ASL: variants seen among roughly 807,000 people sequenced by gnomAD.
ASL encodes argininosuccinase.
Under a neutral mutation model 69.1 loss-of-function variants are expected in ASL, and 51 were observed. That is an observed-to-expected ratio of 0.74 (90% CI 0.59 to 0.93). The LOEUF (loss-of-function observed/expected upper bound fraction) is 0.93, where lower values mean the gene tolerates loss of function less well. Ranked by LOEUF, ASL falls within the 40% of genes least tolerant of loss-of-function variation. ASL has a pLI of 0.00. For missense variants in ASL, 540 were observed against 623.9 expected, an observed-to-expected ratio of 0.87 and a Z score of 1.43; for synonymous variants, 241 against 247.6, an observed-to-expected ratio of 0.97 and a Z score of 0.25.
chr7:66,086,752 T>C lies in ASL; in HGVS notation c.533T>C (p.Val178Ala). ...CCCCTGGCTTCCCACAGCCACGCCG[T>C]GGCACTGACCCGAGACTCTGAGCGG... is the stretch of plus-strand genomic sequence containing the variant. ...RWSHWILSHA[V>A]ALTRDSERLL... The change falls in exon 8 of 17, where the codon GTG becomes GCG. Residue 178 changes from valine (V) to alanine (A), a missense_variant. Physicochemically the swap from Val to Ala is moderately conservative, Grantham distance 64. Coordinates refer to ENST00000304874, the MANE Select transcript of ASL (RefSeq NM_000048.4). 1.2e-6 allele frequency: 2 copies of C among 1,605,658 alleles called. No homozygotes were observed. The highest frequency in any genetic ancestry group is 1.7e-6 in the Non-Finnish European group (2 of 1,176,684).
chr7:66,085,623 T>C (rs951291874), intron 6 of ASL, among the ~76,000 whole-genome samples: 1 of 151,928 alleles, frequency 6.6e-6, no homozygotes, highest in Admixed American at 6.6e-5. Context: ...TTTTTTTTTT[T>C]TTGAGACGGA....
At chr7:66,089,809 A>G in intron 14 of ASL, 114 bp downstream of exon 14, 1 of 1,158,412 alleles carries the variant, frequency 8.6e-7, no homozygotes, top group Non-Finnish European at 1.2e-6. Context: ...TGGGGCAGGG[A>G]AGGAGAGGTG....
At chr7:66,091,764 A>T (rs996892817) in intron 14 of ASL, 6 of 554,908 alleles carry the variant, frequency 1.1e-5, no homozygotes, top group East Asian at 3.1e-5. Context: ...CATGCTGAAG[A>T]TAAGGACTCT....
rs138360695 is a variant in ASL, at chr7:66,080,385, CAAAAAAAA to C, written c.13-1404_13-1397del. ...TGGGTGACAAAGAGAGACTCCATCT[CAAAAAAAA>C]AAAAAAAAAAAAAGAATTAAAAAAG... On this transcript the variant is annotated intron_variant, in intron 2 of 16. Coordinates refer to ENST00000304874, the MANE Select transcript of ASL (RefSeq NM_000048.4). Among the ~76,000 whole-genome samples, 6 of 61,338 alleles carry C rather than the reference CAAAAAAAA, an allele frequency of 9.8e-5. No individual in the cohort carries two copies. In the South Asian group the frequency reaches 2.2e-3, roughly 22 times the overall value. The allele number at this position is 61,338 out of a possible 152,430, so 40.2% of individuals were successfully genotyped here. A position where few individuals can be genotyped will look rare whatever the true frequency, so the allele number is the denominator to read the frequency against.
intron 6 of ASL, among the ~76,000 whole-genome samples, chr7:66,085,797 A>G (rs1786645723): frequency 6.6e-6 from 1 of 151,970 alleles, no homozygotes; most frequent in Non-Finnish European, 1.5e-5. Flanking sequence ...TTTAGTATAG[A>G]TGGGGTTTCA....
At chr7:66,086,894 G>T (rs1786681163) in intron 8 of ASL, 73 bp downstream of exon 8, 2 of 1,503,068 alleles carry the variant, frequency 1.3e-6, no homozygotes, top group African/African-American at 1.4e-5. Context: ...TGACAGAGCT[G>T]GGAAGTGCAG....
intron 6 of ASL, among the ~76,000 whole-genome samples, chr7:66,084,841 A>G (rs2115712501): frequency 6.6e-6 from 1 of 152,144 alleles, no homozygotes; most frequent in African/African-American, 2.4e-5. Context: ...GGATGGTCTC[A>G]ATCTCCCGAC....
rs60055215 is a variant in ASL at position 66,087,243 on chromosome 7, C to CGTGT, written c.603-54_603-51dup. The stretch of plus-strand genomic sequence containing the variant: ...GGACTTGGTTCTCTGTGTGTGCGTT[C>CGTGT]GTGTGTGTGTGTGTGTGTGTGTGTG... On this transcript the variant is annotated intron_variant, in intron 8 of 16. Transcript: ENST00000304874. 0.029 allele frequency: 28,131 copies of CGTGT among 971,390 alleles called. 189 individuals carry two copies. The highest frequency in any genetic ancestry group is 0.099 in the East Asian group (3,837 of 38,824). The allele number at this position is 971,390 out of a possible 1,614,324, so 60.2% of individuals were successfully genotyped here. A position where few individuals can be genotyped will look rare whatever the true frequency, so the allele number is the denominator to read the frequency against.
In ASL at chr7:66,081,831, T is replaced by C. The variant is rs773425505; in HGVS notation, c.41T>C (p.Val14Ala). Residue 14 changes from valine to alanine, a missense_variant, in exon 3 of 17, where the codon GTG (valine) becomes GCG (alanine). Val to Ala is a moderately conservative substitution (Grantham distance 64). Transcript: ENST00000304874. ...ESGKLWGGRF[V>A]GAVDPIMEKF... ...GGGAAGCTTTGGGGTGGCCGGTTTGTGGGTGCAGTGGACCCCATCATGGAG... is the reference window on the plus strand; with the variant it reads ...GGGAAGCTTTGGGGTGGCCGGTTTGCGGGTGCAGTGGACCCCATCATGGAG... 6.2e-7 allele frequency: 1 copy of C among 1,613,904 alleles called. No individual in the cohort carries two copies. The highest frequency in any genetic ancestry group is 1.1e-5 in the South Asian group (1 of 91,082).
chr7:66,076,418 TCTTC>T (rs1278153066), intron 2 of ASL, among the ~76,000 whole-genome samples: 1 of 152,132 alleles, frequency 6.6e-6, no homozygotes, highest in Non-Finnish European at 1.5e-5. Flanking sequence ...GCCTTCCAAC[TCTTC>T]CTTCCTTCTT....
At position 66,093,243 on chromosome 7, in the gene ASL, G is replaced by A; in HGVS notation, c.*331G>A. 1 of 425,790 alleles carries A rather than the reference G, an allele frequency of 2.3e-6. No individual in the cohort carries two copies. Among genetic ancestry groups the A allele is most frequent in the Non-Finnish European group, 4.4e-6 (1 of 225,266 alleles). 26.4% of individuals were successfully genotyped at this position (425,790 alleles called of 1,614,324 possible). On this transcript the variant is annotated 3_prime_UTR_variant, in exon 17 of 17. Coordinates refer to ENST00000304874, the MANE Select transcript of ASL (RefSeq NM_000048.4). The stretch of plus-strand genomic sequence containing the variant: ...GAGGTGAGAGGACACTTGTGCCCAG[G>A]AGTGGAGGCTGCAGTGAGCTATGAT...
At chr7:66,083,349 C>CA in intron 6 of ASL, 175 bp downstream of exon 6, 1 of 633,696 alleles carries the variant, frequency 1.6e-6, no homozygotes, top group South Asian at 1.8e-5. Flanking sequence ...CTGCAGGCCC[C>CA]AATACTCCCA....
chr7:66,090,028 A>C (rs1376989471), intron 14 of ASL, among the ~76,000 whole-genome samples: 1 of 152,212 alleles, frequency 6.6e-6, no homozygotes, highest in Admixed American at 6.5e-5. Flanking sequence ...ACTTGAGGTC[A>C]GGGGTTTGAG....
rs1215891065 is a variant in ASL at position 66,091,911 on chromosome 7, G to A, written c.1063-95G>A. 3.1e-6 allele frequency: 4 copies of A among 1,286,896 alleles called. No homozygotes were observed. The African/African-American group carries it at 5.8e-5, about 19-fold the overall frequency. 79.7% of individuals were successfully genotyped at this position (1,286,896 alleles called of 1,614,324 possible). On this transcript the variant is annotated intron_variant, in intron 14 of 16. Coordinates refer to ENST00000304874, the MANE Select transcript of ASL (RefSeq NM_000048.4). ...AGTGGGTAAGAGAGTATCTGCCCAA[G>A]GCAGGGATGTCCTGGCAGAGGGGCA...
chr7:66,075,968 G>C, intron 1 of ASL, 71 bp from the exon 2 acceptor site: 1 of 1,449,040 alleles, frequency 6.9e-7, no homozygotes, highest in Admixed American at 2.0e-5. Context: ...GCAGTGCCCA[G>C]AACTCGGAGC....
At chr7:66,077,918 C>A (rs1192003692) in intron 2 of ASL, among the ~76,000 whole-genome samples, 3 of 152,136 alleles carry the variant, frequency 2.0e-5, no homozygotes, top group Non-Finnish European at 2.9e-5. Flanking sequence ...GGCCTCCACT[C>A]TCCTCAGTGC....
intron 5 of ASL, 22 bp downstream of exon 5, chr7:66,082,958 CT>C: frequency 6.2e-7 from 1 of 1,612,972 alleles, no homozygotes. Context: ...CCTCCACCCC[CT>C]GCTCCGTGTT....
intron 6 of ASL, 143 bp downstream of exon 6, chr7:66,083,317 G>A (rs1284704769): frequency 1.2e-6 from 1 of 854,130 alleles, no homozygotes; most frequent in Non-Finnish European, 1.8e-6. Context: ...TCGAGGCAGA[G>A]CAGCCAGGAG....
At chr7:66,083,647 G>A (rs1470213592) in intron 6 of ASL, among the ~76,000 whole-genome samples, 4 of 151,378 alleles carry the variant, frequency 2.6e-5, no homozygotes, top group Non-Finnish European at 5.9e-5. Context: ...TCGCGCCATT[G>A]CACTCCAGCC....
Sources: allele counts gnomAD v4.1 joint callset (sites outside exome capture counted in the v4.1 genomes callset), GRCh38; gene constraint gnomAD v4.1.1; transcripts MANE v1.5; gene names NCBI Gene and HGNC (gene_info 2026-07-23, HGNC 2026-07-21).